Variants in HFM1 observed in about 807,000 individuals in gnomAD.
HFM1 encodes probable ATP-dependent DNA helicase HFM1.
Under a neutral mutation model 192.1 loss-of-function variants are expected in HFM1, and 169 were observed. The ratio of observed to expected loss-of-function variants is 0.88; its 90% CI spans 0.78 to 1.00. HFM1 has a LOEUF of 1.00. HFM1 is among the 50% of genes least tolerant of loss of function. HFM1 has a pLI of 0.00. For synonymous variants in HFM1, 525 were observed against 537.8 expected (o/e 0.98, Z 0.33); for missense variants, 1,661 against 1,668.0 (o/e 1.00, Z 0.07).
chr1:91,265,990 A>G (rs780968042), intron 36 of HFM1, 27 bp downstream of exon 36: 4 of 1,585,776 alleles, frequency 2.5e-6, no homozygotes, highest in Non-Finnish European at 2.6e-6. Flanking sequence ...AGTTGCAAAT[A>G]TTACAAACCT....
At position 91,276,722 on chromosome 1, in the gene HFM1, T is replaced by C. The variant is rs768148920; in HGVS notation, c.3494A>G (p.Lys1165Arg). 5.9e-6 allele frequency: 9 copies of C among 1,528,008 alleles called. No homozygotes were observed. The highest frequency in any genetic ancestry group is 1.8e-4 in the Middle Eastern group (1 of 5,534). The allele number at this position is 1,528,008 out of a possible 1,614,324, so 94.7% of individuals were successfully genotyped here. ...AATTGTTGACTCTTTAATTTCTGAC[T>C]TCTGTGCAACTCCAATTTTACCTAT... Reference protein sequence around the residue: ...HDCCKIGVAQKSEIKESTISS... With the variant: ...HDCCKIGVAQRSEIKESTISS... The change falls in exon 32 of 39, where the codon AAG (lysine) becomes AGG (arginine). Residue 1165 changes from lysine (K) to arginine (R), a missense_variant. By Grantham distance (26) the Lys-to-Arg change is conservative. Coordinates refer to ENST00000370425, the MANE Select transcript of HFM1 (RefSeq NM_001017975.6).
rs1232691472 is a variant in HFM1, at chr1:91,351,628, T to A, written c.1993A>T (p.Thr665Ser). The A allele has an allele frequency of 6.3e-7, 1 of 1,586,102 alleles. No individual in the cohort carries two copies. Among genetic ancestry groups the A allele is most frequent in the Admixed American group, 1.7e-5 (1 of 57,684 alleles). ...CTTAATCGAGTCATGATAACTGCAGTAGCTGTAGTGTCAAACTGGGGAGAA... is the reference window on the plus strand; with the variant it reads ...CTTAATCGAGTCATGATAACTGCAGAAGCTGTAGTGTCAAACTGGGGAGAA... ...AGRPQFDTTA[T>S]AVIMTRLSTR... Residue 665 changes from threonine to serine, a missense_variant, in exon 17 of 39, where the codon ACT becomes TCT. By Grantham distance (58) the Thr-to-Ser change is moderately conservative (BLOSUM62 1). Transcript: ENST00000370425.
intron 20 of HFM1, among the ~76,000 whole-genome samples, chr1:91,331,825 G>C (rs1653871761): frequency 6.6e-6 from 1 of 152,182 alleles, no homozygotes; most frequent in Non-Finnish European, 1.5e-5. Context: ...GAACCCGAGA[G>C]GCAGAGGTTG....
At chr1:91,291,450 G>A (rs1425307623) in intron 30 of HFM1, among the ~76,000 whole-genome samples, 4 of 152,154 alleles carry the variant, frequency 2.6e-5, no homozygotes, top group East Asian at 1.9e-4. Flanking sequence ...TAGAAAATCT[G>A]GAAGAAATGG....
intron 2 of HFM1, among the ~76,000 whole-genome samples, chr1:91,396,999 G>A (rs1289263176): frequency 6.6e-6 from 1 of 152,176 alleles, no homozygotes; most frequent in Non-Finnish European, 1.5e-5. Context: ...AACTGTACAT[G>A]AGAGGGCTCT....
At position 91,378,455 on chromosome 1, in the gene HFM1, T is replaced by C; in HGVS notation, c.1184A>G (p.Lys395Arg). Reference sequence around the variant, plus strand: ...CTGAACCAAAGAGTTGTCTCTCCATTTCCTAGTCATGCTATCCCATTTTTC... The same window carrying C: ...CTGAACCAAAGAGTTGTCTCTCCATCTCCTAGTCATGCTATCCCATTTTTC... ...TPEKWDSMTR[K>R]WRDNSLVQLV... The change falls in exon 10 of 39, where the codon AAA becomes AGA. Residue 395 changes from lysine to arginine, a missense_variant. Coordinates refer to ENST00000370425, the MANE Select transcript of HFM1 (RefSeq NM_001017975.6). 2.5e-6 allele frequency: 4 copies of C among 1,603,596 alleles called. No individual in the cohort carries two copies. The highest frequency in any genetic ancestry group is 3.4e-6 in the Non-Finnish European group (4 of 1,172,842).
At chr1:91,382,198 C>T (rs1661629861) in intron 6 of HFM1, among the ~76,000 whole-genome samples, 1 of 152,152 alleles carries the variant, frequency 6.6e-6, no homozygotes, top group Non-Finnish European at 1.5e-5. Flanking sequence ...TTAAATCTGA[C>T]CTTCTCAAGG....
In HFM1 at chr1:91,338,652, C is replaced by T. The variant is rs576318025; in HGVS notation, c.2335+4778G>A. Among the ~76,000 whole-genome samples the T allele has an allele frequency of 5.9e-5, 9 of 152,270 alleles. No homozygotes were observed. The East Asian group carries it at 1.7e-3, about 29-fold the overall frequency. On this transcript the variant is annotated intron_variant, in intron 20 of 38. Coordinates refer to ENST00000370425, the MANE Select transcript of HFM1 (RefSeq NM_001017975.6). ...TGGCATGCACTCAACCATGGCCTCC[C>T]CACATCACTTTGCTAGCATGCACAT...
intron 18 of HFM1, among the ~76,000 whole-genome samples, chr1:91,349,786 A>C (rs1656679950): frequency 6.6e-6 from 1 of 152,228 alleles, no homozygotes; most frequent in Non-Finnish European, 1.5e-5. Flanking sequence ...GAGATAATAA[A>C]TTCTGGTTGT....
At chr1:91,329,209 A>G in intron 20 of HFM1, 1 of 1,609,740 alleles carries the variant, frequency 6.2e-7, no homozygotes. Flanking sequence ...CTCCACAAGG[A>G]GGCTTACCAG....
At chr1:91,307,961 A>G (rs1398784481) in intron 30 of HFM1, among the ~76,000 whole-genome samples, 1 of 151,930 alleles carries the variant, frequency 6.6e-6, no homozygotes, top group Non-Finnish European at 1.5e-5. Flanking sequence ...TTCCATCATT[A>G]TTGTTGAGAA....
At chr1:91,369,127 T>C (rs917192300) in intron 13 of HFM1, among the ~76,000 whole-genome samples, 1 of 152,122 alleles carries the variant, frequency 6.6e-6, no homozygotes, top group Non-Finnish European at 1.5e-5. Flanking sequence ...CAAAGAGACT[T>C]AGACTCCCAC....
intron 30 of HFM1, among the ~76,000 whole-genome samples, chr1:91,283,726 T>C (rs1344455143): frequency 1.3e-5 from 2 of 152,154 alleles, no homozygotes; most frequent in Non-Finnish European, 2.9e-5. Context: ...CAAATAGAAA[T>C]GTATTGAAAG....
At position 91,368,694 on chromosome 1, in the gene HFM1, C is replaced by T. The variant is rs529837015; in HGVS notation, c.1685+6664G>A. 2.9e-3 allele frequency among the ~76,000 whole-genome samples: 436 copies of T among 152,174 alleles called. 1 individual carries two copies. The highest frequency in any genetic ancestry group is 9.9e-3 in the African/African-American group (411 of 41,458). On this transcript the variant is annotated intron_variant, in intron 13 of 38. Coordinates refer to ENST00000370425, the MANE Select transcript of HFM1 (RefSeq NM_001017975.6). ...GCTAGGAAGAAACTGCATCCACTAA[C>T]GAGCAAAATAACCAGCTAACATCAT...
At chr1:91,310,506 G>A (rs574534340) in intron 30 of HFM1, among the ~76,000 whole-genome samples, 2 of 152,270 alleles carry the variant, frequency 1.3e-5, no homozygotes, top group South Asian at 4.2e-4. Context: ...CCCTGACAAT[G>A]GCTATAACAA....
intron 30 of HFM1, among the ~76,000 whole-genome samples, chr1:91,294,090 C>A (rs1482680969): frequency 3.3e-5 from 5 of 150,488 alleles, no homozygotes; most frequent in Admixed American, 6.6e-5. Flanking sequence ...GGGAGATATA[C>A]CTAATGCTAG....
intron 19 of HFM1, among the ~76,000 whole-genome samples, chr1:91,345,266 G>C (rs867476637): frequency 3.3e-5 from 5 of 152,124 alleles, no homozygotes; most frequent in Non-Finnish European, 7.3e-5. Flanking sequence ...AAATATGCAA[G>C]GAGTGTTCCA....
In HFM1 at chr1:91,349,269, T is replaced by A. The variant is rs72970327; in HGVS notation, c.2206+1469A>T. On this transcript the variant is annotated intron_variant, in intron 18 of 38. Transcript: ENST00000370425. Reference sequence around the variant, plus strand: ...TGCCACTGCACTCCAGTCTGGGCAATCAAGAGAGGCTATCTCAAAAAAAAA... The same window carrying A: ...TGCCACTGCACTCCAGTCTGGGCAAACAAGAGAGGCTATCTCAAAAAAAAA... 2.7e-3 allele frequency among the ~76,000 whole-genome samples: 353 copies of A among 131,626 alleles called. 1 individual carries two copies. The highest frequency in any genetic ancestry group is 9.5e-3 in the African/African-American group (332 of 35,092). The allele number at this position is 131,626 out of a possible 152,430, so 86.4% of individuals were successfully genotyped here.
intron 6 of HFM1, among the ~76,000 whole-genome samples, chr1:91,383,333 T>C (rs995999880): frequency 6.6e-6 from 1 of 152,202 alleles, no homozygotes; most frequent in Admixed American, 6.5e-5. Flanking sequence ...AACAGCTTAC[T>C]GCTAATATAT....
Sources: allele counts gnomAD v4.1 joint callset (sites outside exome capture counted in the v4.1 genomes callset), GRCh38; gene constraint gnomAD v4.1.1; transcripts MANE v1.5; gene names NCBI Gene and HGNC (gene_info 2026-07-23, HGNC 2026-07-21).